The following SHQ1 variants were observed in gnomAD, a reference collection of about 807,000 sequenced individuals.
The protein encoded by SHQ1 is protein SHQ1 homolog.
A neutral mutation model predicts 53.8 loss-of-function variants in SHQ1; 49 were observed. The ratio of observed to expected loss-of-function variants is 0.91; its 90% CI spans 0.72 to 1.16. SHQ1 has a LOEUF of 1.16. Ranked by LOEUF, SHQ1 falls within the 50% of genes most tolerant of loss-of-function variation. SHQ1 has a pLI of 0.00. For synonymous variants in SHQ1, 243 were observed against 251.0 expected, an observed-to-expected ratio of 0.97 and a Z score of 0.30; for missense variants, 738 against 683.1, an observed-to-expected ratio of 1.08 and a Z score of -0.90.
chr3:72,847,610 G>C (rs568468598), intron 1 of SHQ1, among the ~76,000 whole-genome samples: 1 of 152,098 alleles, frequency 6.6e-6, no homozygotes, highest in Non-Finnish European at 1.5e-5. Context: ...CGGAGACTTG[G>C]GGGAAACAAC....
intron 10 of SHQ1, chr3:72,772,852 C>T: frequency 1.3e-6 from 1 of 773,172 alleles, no homozygotes; most frequent in Non-Finnish European, 2.4e-6. Flanking sequence ...TAAAGTTGCC[C>T]CATCAAAATG....
chr3:72,736,341 T>C, the SHQ1 span, among the ~76,000 whole-genome samples: 1 of 150,184 alleles, frequency 6.7e-6, no homozygotes, highest in African/African-American at 2.5e-5. Context: ...AAACCAGGGA[T>C]TGGCAACCTT....
chr3:72,748,456 C>G (rs1705295979), downstream of SHQ1, among the ~76,000 whole-genome samples: 1 of 151,358 alleles, frequency 6.6e-6, no homozygotes, highest in African/African-American at 2.4e-5. Context: ...TTTGGGAGAC[C>G]GAGGTGGACA....
chr3:72,786,670 G>A (rs1035366433), intron 10 of SHQ1, among the ~76,000 whole-genome samples: 3 of 152,094 alleles, frequency 2.0e-5, no homozygotes, highest in African/African-American at 4.8e-5. Context: ...CACTGTAGCC[G>A]CTATTGGGTA....
chr3:72,797,041 T>A (rs959578484), intron 9 of SHQ1, among the ~76,000 whole-genome samples: 6 of 151,524 alleles, frequency 4.0e-5, no homozygotes, highest in Non-Finnish European at 7.4e-5. Flanking sequence ...GCAGATCACC[T>A]GAAGTCAGGA....
chr3:72,729,099 C>T, the SHQ1 span, among the ~76,000 whole-genome samples: 23 of 152,304 alleles, frequency 1.5e-4, no homozygotes, highest in African/African-American at 3.4e-4. Flanking sequence ...TAAACTGATG[C>T]GTGAATGAAC....
intron 10 of SHQ1, among the ~76,000 whole-genome samples, chr3:72,751,500 G>GTATATATA (rs1411876975): frequency 1.4e-4 from 17 of 119,588 alleles, no homozygotes; most frequent in African/African-American, 4.1e-4. Flanking sequence ...GTGTGTGTGT[G>GTATATATA]TGTGTGTGTA....
the SHQ1 span, among the ~76,000 whole-genome samples, chr3:72,739,060 C>G: frequency 1.3e-5 from 2 of 152,238 alleles, no homozygotes; most frequent in Non-Finnish European, 2.9e-5. Context: ...GGGGCGCAGG[C>G]TTTCTCACTG....
intron 2 of SHQ1, among the ~76,000 whole-genome samples, chr3:72,842,955 T>C (rs550407266): frequency 1.3e-5 from 2 of 152,088 alleles, no homozygotes; most frequent in Admixed American, 1.3e-4. Context: ...TGTGCACCTG[T>C]AGTCCCAGCT....
intron 9 of SHQ1, among the ~76,000 whole-genome samples, chr3:72,800,943 C>G (rs969349572): frequency 6.6e-6 from 1 of 152,178 alleles, no homozygotes; most frequent in African/African-American, 2.4e-5. Flanking sequence ...CTCTAACAAT[C>G]CCTGCAAGAT....
At chr3:72,796,640 G>A (rs959323173) in intron 9 of SHQ1, among the ~76,000 whole-genome samples, 2 of 151,782 alleles carry the variant, frequency 1.3e-5, no homozygotes, top group Non-Finnish European at 2.9e-5. Flanking sequence ...GGTCAACATG[G>A]TGAAACCCCA....
chr3:72,796,112 A>G (rs1706610456), intron 9 of SHQ1, among the ~76,000 whole-genome samples: 1 of 146,016 alleles, frequency 6.8e-6, no homozygotes, highest in African/African-American at 2.8e-5. Flanking sequence ...AAAAAAAAAA[A>G]AAAAAAAAAA....
At chr3:72,793,290 GA>G (rs1275169743) in intron 9 of SHQ1, 1 of 278,298 alleles carries the variant, frequency 3.6e-6, no homozygotes, top group African/African-American at 2.3e-5. Flanking sequence ...GGCAGATCAC[GA>G]GGTCAGGAGA....
intron 5 of SHQ1, among the ~76,000 whole-genome samples, chr3:72,825,167 C>T (rs912390200): frequency 2.0e-5 from 3 of 151,890 alleles, no homozygotes; most frequent in African/African-American, 7.3e-5. Context: ...ATCCCATATT[C>T]GATGATGTGA....
chr3:72,804,849 C>T (rs1038876585), intron 9 of SHQ1, among the ~76,000 whole-genome samples: 1 of 152,112 alleles, frequency 6.6e-6, no homozygotes, highest in Admixed American at 6.5e-5. Flanking sequence ...AGAGTGAGAC[C>T]TTGTCCCTAA....
intron 10 of SHQ1, among the ~76,000 whole-genome samples, chr3:72,768,552 C>A (rs1487080713): frequency 6.6e-6 from 1 of 152,142 alleles, no homozygotes; most frequent in Non-Finnish European, 1.5e-5. Context: ...ATTCTGTTGT[C>A]CTGCTGAGTG....
chr3:72,762,372 T>C (rs537400584), intron 10 of SHQ1, among the ~76,000 whole-genome samples: 1 of 152,286 alleles, frequency 6.6e-6, no homozygotes, highest in Non-Finnish European at 1.5e-5. Flanking sequence ...AGAAATGCAG[T>C]TCACCCCAGC....
At chr3:72,803,563 C>T (rs1318635019) in intron 9 of SHQ1, among the ~76,000 whole-genome samples, 23 of 152,172 alleles carry the variant, frequency 1.5e-4, no homozygotes, top group Admixed American at 1.4e-3. Context: ...CCAAAGACCT[C>T]GGCTCCCTAC....
At chr3:72,842,250 C>A in intron 3 of SHQ1, 30 bp downstream of exon 3, 1 of 1,606,210 alleles carries the variant, frequency 6.2e-7, no homozygotes, top group Non-Finnish European at 8.5e-7. Context: ...TCTATTTATC[C>A]TAATTTCCTC....
Sources: allele counts gnomAD v4.1 joint callset (sites outside exome capture counted in the v4.1 genomes callset), GRCh38; gene constraint gnomAD v4.1.1; transcripts MANE v1.5; gene names NCBI Gene and HGNC (gene_info 2026-07-23, HGNC 2026-07-21).